Variants in MAPK10 observed in about 807,000 individuals in gnomAD.
The protein encoded by MAPK10 is mitogen-activated protein kinase 10.
Under a neutral mutation model 59.3 loss-of-function variants are expected in MAPK10, and 25 were observed. The observed-to-expected ratio is 0.42, with a 90% CI of 0.31 to 0.59. The LOEUF is 0.59. Among genes scored for constraint, MAPK10 ranks in the 20% least tolerant of loss-of-function variants. MAPK10 has a pLI of 0.15. For missense variants in MAPK10, 351 were observed against 568.9 expected (o/e 0.62, Z 3.90); for synonymous variants, 190 against 200.5 (o/e 0.95, Z 0.44).
intron 1 of MAPK10, among the ~76,000 whole-genome samples, chr4:86,439,033 A>T (rs1462755833): frequency 6.6e-6 from 1 of 152,228 alleles, no homozygotes; most frequent in Non-Finnish European, 1.5e-5. Context: ...TATGGTGGCC[A>T]AGAGGTTTCA....
chr4:86,101,774 T>A, intron 7 of MAPK10, 120 bp downstream of exon 7: 2 of 951,532 alleles, frequency 2.1e-6, no homozygotes, highest in Non-Finnish European at 3.1e-6. Flanking sequence ...CTAATTCTAG[T>A]ATCAAAGAAA....
chr4:86,269,986 GT>G (rs1332868133), intron 2 of MAPK10, among the ~76,000 whole-genome samples: 3 of 152,018 alleles, frequency 2.0e-5, no homozygotes, highest in African/African-American at 7.2e-5. Flanking sequence ...TCTGAAAGGT[GT>G]TTTGAAGATG....
intron 11 of MAPK10, among the ~76,000 whole-genome samples, chr4:86,046,305 T>C (rs933847381): frequency 6.6e-6 from 1 of 151,644 alleles, no homozygotes; most frequent in African/African-American, 2.4e-5. Context: ...TTTCTTTCTC[T>C]TGCCTGACTG....
chr4:86,140,424 A>G (rs2063363702), intron 4 of MAPK10, among the ~76,000 whole-genome samples: 1 of 146,826 alleles, frequency 6.8e-6, no homozygotes, highest in South Asian at 2.1e-4. Context: ...ACAGTAAACT[A>G]TTGCGAGGAC....
chr4:86,108,682 C>T (rs891716429), intron 4 of MAPK10, among the ~76,000 whole-genome samples: 10 of 152,088 alleles, frequency 6.6e-5, no homozygotes, highest in Admixed American at 2.0e-4. Context: ...TTCTATTGTT[C>T]GGCAGCTTTG....
rs2148870461 is a variant in MAPK10 at position 86,311,649 on chromosome 4, T to C, written c.-7+42881A>G. ...TGGTGAGACTCTTTATTCCTAGGTG[T>C]GTTGCCTGCTTCTGGTTACAGACAT... On this transcript the variant is annotated intron_variant, in intron 2 of 13. Coordinates refer to ENST00000641462, the MANE Select transcript of MAPK10 (RefSeq NM_138982.4). Among the ~76,000 whole-genome samples, 4 of 152,250 alleles carry C rather than the reference T, an allele frequency of 2.6e-5. No homozygotes were observed. In the South Asian group the frequency reaches 8.3e-4, roughly 32 times the overall value.
chr4:86,276,392 A>G (rs1031184151), intron 2 of MAPK10, among the ~76,000 whole-genome samples: 1 of 152,084 alleles, frequency 6.6e-6, no homozygotes, highest in Admixed American at 6.6e-5. Flanking sequence ...AGAAAATAGA[A>G]TCCATCTGTA....
chr4:86,168,236 G>T (rs985399112), intron 3 of MAPK10, among the ~76,000 whole-genome samples: 1 of 152,236 alleles, frequency 6.6e-6, no homozygotes, highest in Non-Finnish European at 1.5e-5. Context: ...AACGCACCGT[G>T]CACCAGCCGA....
At chr4:86,202,990 C>T (rs188056826) in intron 2 of MAPK10, among the ~76,000 whole-genome samples, 33 of 152,016 alleles carry the variant, frequency 2.2e-4, no homozygotes, top group African/African-American at 7.7e-4. Context: ...TGGCAGAGAG[C>T]ATTTGGCCCA....
At chr4:86,087,922 A>G (rs910770210) in intron 9 of MAPK10, among the ~76,000 whole-genome samples, 4 of 152,142 alleles carry the variant, frequency 2.6e-5, no homozygotes, top group Non-Finnish European at 5.9e-5. Context: ...ATAATATGGT[A>G]TGGATGCACT....
chr4:86,438,711 G>A (rs531759352), intron 1 of MAPK10, among the ~76,000 whole-genome samples: 4 of 150,636 alleles, frequency 2.7e-5, no homozygotes, highest in Non-Finnish European at 5.9e-5. Context: ...AAAAAAACAT[G>A]CAAGGATTTT....
At chr4:86,179,170 C>T (rs2076345093) in intron 3 of MAPK10, among the ~76,000 whole-genome samples, 2 of 151,874 alleles carry the variant, frequency 1.3e-5, no homozygotes, top group South Asian at 4.2e-4. Context: ...CCACTGCACT[C>T]CAGCCTGGGT....
chr4:86,245,362 A>T (rs1254821993), intron 2 of MAPK10, among the ~76,000 whole-genome samples: 1 of 146,912 alleles, frequency 6.8e-6, no homozygotes, highest in Admixed American at 6.9e-5. Flanking sequence ...CCCAGACTGG[A>T]GTGCAATGAT....
At chr4:86,288,237 A>T (rs2095095057) in intron 2 of MAPK10, among the ~76,000 whole-genome samples, 1 of 151,696 alleles carries the variant, frequency 6.6e-6, no homozygotes, top group Non-Finnish European at 1.5e-5. Flanking sequence ...GGTTAGTTAC[A>T]TATGTATACA....
chr4:86,265,141 G>A (rs1484475624), intron 2 of MAPK10, among the ~76,000 whole-genome samples: 1 of 151,690 alleles, frequency 6.6e-6, no homozygotes, highest in Non-Finnish European at 1.5e-5. Flanking sequence ...TACCTGCCTC[G>A]GCCTCCCAAT....
At chr4:86,097,906 A>G (rs1329553226) in intron 9 of MAPK10, among the ~76,000 whole-genome samples, 1 of 152,160 alleles carries the variant, frequency 6.6e-6, no homozygotes, top group East Asian at 1.9e-4. Flanking sequence ...ACAAGCATGT[A>G]TGTCTATGTC....
At chr4:86,205,609 T>C (rs72874010) in intron 2 of MAPK10, among the ~76,000 whole-genome samples, 19,505 of 151,828 alleles carry the variant, frequency 0.13, 1,269 homozygotes, top group Middle Eastern at 0.14. Flanking sequence ...GAAAAAATAA[T>C]ACAGAAAACC....
intron 5 of MAPK10, among the ~76,000 whole-genome samples, chr4:86,104,942 T>C (rs1265753265): frequency 6.6e-6 from 1 of 152,136 alleles, no homozygotes; most frequent in Non-Finnish European, 1.5e-5. Flanking sequence ...ATCACAGCTA[T>C]AAAATTTCCA....
intron 13 of MAPK10, chr4:86,025,230 T>C: frequency 3.2e-6 from 1 of 313,788 alleles, no homozygotes; most frequent in East Asian, 4.8e-5. Flanking sequence ...TACTAGTCAA[T>C]TCTTTTTTTA....
Sources: gnomAD v4.1 joint callset for allele counts (sites outside exome capture counted in the v4.1 genomes callset) on GRCh38, gnomAD v4.1.1 for gene constraint, MANE v1.5 for transcripts, NCBI Gene and HGNC (gene_info 2026-07-23, HGNC 2026-07-21) for gene names.